Variants in SNTG1 observed in about 807,000 individuals in gnomAD.
The protein encoded by SNTG1 is gamma-1-syntrophin.
In SNTG1, 39 loss-of-function variants were observed where a neutral mutation model predicts 74.7. That is an observed-to-expected ratio of 0.52 (90% confidence interval 0.40 to 0.68). The LOEUF (loss-of-function observed/expected upper bound fraction) is 0.68, where lower values mean the gene tolerates loss of function less well. Among genes scored for constraint, SNTG1 ranks in the 30% least tolerant of loss-of-function variants. SNTG1 has a pLI of 0.00. For missense variants in SNTG1, 685 were observed against 609.5 expected (o/e 1.12, Z -1.30); for synonymous variants, 254 against 217.1 (o/e 1.17, Z -1.49).
chr8:50,150,864 A>G (rs1461435111), intron 1 of SNTG1, among the ~76,000 whole-genome samples: 3 of 152,170 alleles, frequency 2.0e-5, no homozygotes. Context: ...ATGTTGGTCT[A>G]AAATTCTCTT....
chr8:50,255,205 G>A (rs1230572348), intron 2 of SNTG1, among the ~76,000 whole-genome samples: 3 of 152,078 alleles, frequency 2.0e-5, no homozygotes, highest in Non-Finnish European at 4.4e-5. Context: ...AGGGTCACTT[G>A]TAATTATAAT....
At chr8:50,734,752 G>T (rs553410780) in intron 17 of SNTG1, among the ~76,000 whole-genome samples, 23 of 72,002 alleles carry the variant, frequency 3.2e-4, no homozygotes, top group Admixed American at 9.2e-4. Flanking sequence ...CATGTATATA[G>T]ATATCTATAT....
rs778737467 is a variant in SNTG1, at chr8:50,658,644, T to C, written c.1019T>C (p.Ile340Thr). 3.7e-6 allele frequency: 6 copies of C among 1,610,466 alleles called. No individual in the cohort carries two copies. The highest frequency in any genetic ancestry group is 1.3e-5 in the African/African-American group (1 of 74,790). Residue 340 changes from isoleucine (I) to threonine (T), a missense_variant, in exon 15 of 19, where the codon ATT becomes ACT. Transcript: ENST00000642720. ...RAEKTFSVYE[I>T]MCKILKDSDL... ...GAGAAAACATTCTCAGTTTATGAGATTATGTGCAAGATCCTCAAGGTATGA... is the reference window on the plus strand; with the variant it reads ...GAGAAAACATTCTCAGTTTATGAGACTATGTGCAAGATCCTCAAGGTATGA...
intron 15 of SNTG1, among the ~76,000 whole-genome samples, chr8:50,666,403 A>G (rs964889269): frequency 6.6e-6 from 1 of 152,094 alleles, no homozygotes; most frequent in African/African-American, 2.4e-5. Flanking sequence ...CCTTGCTTTG[A>G]TGATTGCATT....
chr8:50,167,941 T>C (rs2082684136), intron 1 of SNTG1, among the ~76,000 whole-genome samples: 2 of 152,078 alleles, frequency 1.3e-5, no homozygotes, highest in Non-Finnish European at 2.9e-5. Context: ...TTTCTAATAA[T>C]TTAAAAATTA....
At chr8:50,239,315 A>C (rs2086063069) in intron 2 of SNTG1, among the ~76,000 whole-genome samples, 1 of 152,220 alleles carries the variant, frequency 6.6e-6, no homozygotes. Context: ...AAGACTGGGT[A>C]ATTTATAAAC....
At chr8:50,094,539 T>C (rs150931240) in intron 1 of SNTG1, among the ~76,000 whole-genome samples, 42 of 152,068 alleles carry the variant, frequency 2.8e-4, no homozygotes, top group African/African-American at 9.9e-4. Context: ...AACAGATACT[T>C]CTCAAAAGAA....
intron 12 of SNTG1, among the ~76,000 whole-genome samples, chr8:50,556,845 G>C (rs10107280): frequency 6.6e-6 from 1 of 152,164 alleles, no homozygotes; most frequent in Non-Finnish European, 1.5e-5. Flanking sequence ...CAAGACTTCA[G>C]ATGAGATAGC....
intron 2 of SNTG1, among the ~76,000 whole-genome samples, chr8:50,294,051 G>A (rs1322406730): frequency 6.6e-6 from 1 of 152,090 alleles, no homozygotes; most frequent in African/African-American, 2.4e-5. Flanking sequence ...TAGGAAATGT[G>A]GAAGATTGAA....
rs1033896876 is a variant in SNTG1 at position 49,989,031 on chromosome 8, T to C, written c.-103+76800T>C. 3.9e-5 allele frequency among the ~76,000 whole-genome samples: 6 copies of C among 152,096 alleles called. No homozygotes were observed. In the South Asian group the frequency reaches 1.0e-3, roughly 26 times the overall value. ...TACAATTACCCTAATTTGATCATTA[T>C]AGAGAGCATGCCTATGTGAAAACAT... On this transcript the variant is annotated intron_variant, in intron 1 of 18. Transcript: ENST00000642720.
rs28691575 is a variant in SNTG1 at position 50,346,116 on chromosome 8, G to A, written c.-27-48096G>A. ...AAATACCTATGACTTACAGGCATAC[G>A]TCATTTTATTGTGTTTCACTTTATT... On this transcript the variant is annotated intron_variant, in intron 2 of 18. Transcript: ENST00000642720. Among the ~76,000 whole-genome samples, 14 of 152,156 alleles carry A rather than the reference G, an allele frequency of 9.2e-5. No individual in the cohort carries two copies. The East Asian group carries it at 1.9e-3, about 21-fold the overall frequency.
At chr8:50,774,883 G>A (rs1464312280) in intron 18 of SNTG1, among the ~76,000 whole-genome samples, 1 of 151,178 alleles carries the variant, frequency 6.6e-6, no homozygotes, top group Non-Finnish European at 1.5e-5. Context: ...TTCTGAACTA[G>A]AATGTTTTAA....
chr8:50,143,603 C>T (rs2081751444), intron 1 of SNTG1, among the ~76,000 whole-genome samples: 2 of 152,198 alleles, frequency 1.3e-5, no homozygotes, highest in Admixed American at 1.3e-4. Context: ...CATACATATG[C>T]ATAACATTTG....
chr8:50,706,896 G>GA (rs2131541722), intron 16 of SNTG1, among the ~76,000 whole-genome samples: 2 of 151,840 alleles, frequency 1.3e-5, no homozygotes, highest in East Asian at 3.9e-4. Context: ...CAAGCAGAAA[G>GA]AAAAAAATTA....
chr8:50,275,548 T>C (rs2088046179), intron 2 of SNTG1, among the ~76,000 whole-genome samples: 1 of 152,176 alleles, frequency 6.6e-6, no homozygotes, highest in Non-Finnish European at 1.5e-5. Context: ...ACTTCACAAG[T>C]AGTGCAGGTA....
At chr8:50,432,750 T>G (rs985039281) in intron 4 of SNTG1, among the ~76,000 whole-genome samples, 3 of 151,826 alleles carry the variant, frequency 2.0e-5, no homozygotes, top group Admixed American at 2.0e-4. Flanking sequence ...TACCAAAATA[T>G]TTTTCTTTTA....
At chr8:50,450,535 A>G (rs1380887191) in intron 6 of SNTG1, 21 bp from the exon 7 acceptor site, 2 of 1,612,794 alleles carry the variant, frequency 1.2e-6, no homozygotes, top group South Asian at 1.1e-5. Flanking sequence ...TGCATTATCA[A>G]TTGTGCTTTT....
rs548618857 is a variant in SNTG1, at chr8:50,053,131, G to A, written c.-102-119430G>A. ...ATTAACAGAAATGCTTTTACAAAAAGGGTCATAGTGGAATTACGCACCATA... is the reference window on the plus strand; with the variant it reads ...ATTAACAGAAATGCTTTTACAAAAAAGGTCATAGTGGAATTACGCACCATA... On this transcript the variant is annotated intron_variant, in intron 1 of 18. Transcript: ENST00000642720. 3.1e-4 allele frequency among the ~76,000 whole-genome samples: 47 copies of A among 152,182 alleles called. No individual in the cohort carries two copies. In the East Asian group the frequency reaches 8.1e-3, roughly 26 times the overall value.
intron 1 of SNTG1, among the ~76,000 whole-genome samples, chr8:50,058,297 A>G (rs1820194463): frequency 6.6e-6 from 1 of 152,190 alleles, no homozygotes; most frequent in Admixed American, 6.5e-5. Flanking sequence ...GATTAATAAG[A>G]GCAGAAACAG....
Sources: allele counts gnomAD v4.1 joint callset (sites outside exome capture counted in the v4.1 genomes callset), GRCh38; gene constraint gnomAD v4.1.1; transcripts MANE v1.5; gene names NCBI Gene and HGNC (gene_info 2026-07-23, HGNC 2026-07-21).